Variants in TSPAN2 observed in about 807,000 individuals in gnomAD.
TSPAN2 encodes tetraspanin-2.
TSPAN2 carries 24 observed loss-of-function variants against 33.3 expected under a neutral mutation model. That is an observed-to-expected ratio of 0.72 (90% confidence interval 0.52 to 1.01). The LOEUF is 1.01. Ranked by LOEUF, TSPAN2 falls within the 50% of genes least tolerant of loss-of-function variation. The pLI is 0.00. For synonymous variants in TSPAN2, 114 were observed against 104.5 expected, an observed-to-expected ratio of 1.09 and a Z score of -0.56; for missense variants, 278 against 281.3, an observed-to-expected ratio of 0.99 and a Z score of 0.08.
At chr1:115,068,596 G>A (rs1416350234) in intron 2 of TSPAN2, among the ~76,000 whole-genome samples, 1 of 152,180 alleles carries the variant, frequency 6.6e-6, no homozygotes, top group African/African-American at 2.4e-5. Flanking sequence ...TCAGTGAATG[G>A]TGCCCTGTGA....
intron 2 of TSPAN2, among the ~76,000 whole-genome samples, chr1:115,068,634 G>A (rs919425721): frequency 2.0e-5 from 3 of 152,052 alleles, no homozygotes; most frequent in Non-Finnish European, 4.4e-5. Context: ...CCAAACACTG[G>A]GCCTGTTTGT....
At chr1:115,053,559 GAGTTAATCCATGCC>G (rs1371441003) in intron 6 of TSPAN2, 97 bp from the exon 7 acceptor site, 4 of 1,013,536 alleles carry the variant, frequency 3.9e-6, no homozygotes, top group Non-Finnish European at 6.0e-6. Flanking sequence ...CATTCTGTGA[GAGTTAATCCATGCC>G]AGCTTCTACT....
Position 115,062,159 on chromosome 1 carries a change from C to T in TSPAN2, c.246G>A (p.Arg82=). 1 of 1,598,924 alleles carries T rather than the reference C, an allele frequency of 6.3e-7. No homozygotes were observed. The highest frequency in any genetic ancestry group is 1.7e-5 in the Admixed American group (1 of 57,764). The change falls in exon 3 of 8, where the codon CGG becomes CGA. Residue 82 remains arginine, a synonymous_variant. Transcript: ENST00000369516. The part of the protein sequence containing the change: ...VGFFGCCGAM[R]ESQCVLGSFF... ...CTGATCCAAGCACACATTGCGACTC[C>T]CGCATGGCTCCGCAGCACCCGAAGA...
intron 4 of TSPAN2, among the ~76,000 whole-genome samples, chr1:115,059,309 A>G (rs1647567968): frequency 6.6e-6 from 1 of 152,184 alleles, no homozygotes; most frequent in Non-Finnish European, 1.5e-5. Flanking sequence ...TTCCATAGGT[A>G]TTTTAGGATA....
At chr1:115,084,966 T>TAGG (rs1172700794) in intron 1 of TSPAN2, among the ~76,000 whole-genome samples, 1 of 152,156 alleles carries the variant, frequency 6.6e-6, no homozygotes, top group African/African-American at 2.4e-5. Flanking sequence ...TTCCTGTGGG[T>TAGG]CAGTAACGCT....
intron 1 of TSPAN2, among the ~76,000 whole-genome samples, chr1:115,086,812 G>C (rs1053150387): frequency 1.4e-4 from 22 of 152,274 alleles, no homozygotes; most frequent in Non-Finnish European, 2.8e-4. Flanking sequence ...TCTCAAATTT[G>C]AGCATGGATC....
chr1:115,052,127 G>T (rs1180522950), intron 7 of TSPAN2, among the ~76,000 whole-genome samples: 16 of 152,164 alleles, frequency 1.1e-4, no homozygotes, highest in Admixed American at 1.0e-3. Flanking sequence ...CCTTTGGGGA[G>T]CTGCAGAACT....
At chr1:115,071,090 C>T (rs1648154940) in intron 2 of TSPAN2, among the ~76,000 whole-genome samples, 1 of 152,068 alleles carries the variant, frequency 6.6e-6, no homozygotes, top group Admixed American at 6.5e-5. Flanking sequence ...TTCCTTGTCA[C>T]AAAATCCCAA....
chr1:115,068,497 G>C (rs1027974871), intron 2 of TSPAN2, among the ~76,000 whole-genome samples: 12 of 152,176 alleles, frequency 7.9e-5, no homozygotes, highest in African/African-American at 2.9e-4. Flanking sequence ...AATGTGCCAT[G>C]CCTGTTTAGG....
rs781580100 is a variant in TSPAN2 at position 115,085,533 on chromosome 1, G to A, written c.69+3831C>T. 2.2e-4 allele frequency among the ~76,000 whole-genome samples: 34 copies of A among 152,146 alleles called. 1 individual carries two copies. Among genetic ancestry groups the A allele is most frequent in the Non-Finnish European group, 4.0e-4 (27 of 68,030 alleles). On this transcript the variant is annotated intron_variant, in intron 1 of 7. Coordinates refer to ENST00000369516, the MANE Select transcript of TSPAN2 (RefSeq NM_005725.6). The stretch of plus-strand genomic sequence containing the variant: ...GAAGTGCTGTCACCCAAGGAACCCC[G>A]TAACTCCGAGGGGCAGGCACATGAG...
intron 1 of TSPAN2, among the ~76,000 whole-genome samples, chr1:115,087,988 G>A (rs1422209727): frequency 1.3e-5 from 2 of 152,186 alleles, no homozygotes; most frequent in African/African-American, 4.8e-5. Flanking sequence ...ACTGTGGCGT[G>A]ACATCTATAA....
intron 1 of TSPAN2, among the ~76,000 whole-genome samples, chr1:115,085,513 G>A (rs1648799061): frequency 6.6e-6 from 1 of 152,160 alleles, no homozygotes; most frequent in Non-Finnish European, 1.5e-5. Context: ...GGAAGGAAGT[G>A]CTGTCACCCA....
chr1:115,069,337 G>T (rs1392185510), intron 2 of TSPAN2, among the ~76,000 whole-genome samples: 1 of 152,196 alleles, frequency 6.6e-6, no homozygotes. Context: ...TCCACGGTGG[G>T]CATGAAGCCC....
At chr1:115,064,173 C>A (rs1178721324) in intron 2 of TSPAN2, among the ~76,000 whole-genome samples, 1 of 152,204 alleles carries the variant, frequency 6.6e-6, no homozygotes, top group African/African-American at 2.4e-5. Context: ...TTCTGTTTTA[C>A]AAATGGAGGT....
intron 3 of TSPAN2, 92 bp from the exon 4 acceptor site, chr1:115,060,630 C>A: frequency 1.1e-6 from 1 of 943,242 alleles, no homozygotes; most frequent in South Asian, 1.5e-5. Flanking sequence ...ATGGCTGAAT[C>A]GCTTTCATGT....
chr1:115,076,902 G>T (rs1166935271), intron 1 of TSPAN2, among the ~76,000 whole-genome samples: 1 of 151,588 alleles, frequency 6.6e-6, no homozygotes, highest in Non-Finnish European at 1.5e-5. Context: ...TTGCCAGAAA[G>T]CACCATTTTT....
intron 1 of TSPAN2, among the ~76,000 whole-genome samples, chr1:115,085,355 C>T (rs1014585992): frequency 2.0e-5 from 3 of 152,126 alleles, no homozygotes; most frequent in Non-Finnish European, 4.4e-5. Flanking sequence ...TCTGGCAGGG[C>T]CTGGTTGTAT....
At chr1:115,057,659 A>G (rs1482909579) in intron 5 of TSPAN2, 51 bp from the exon 6 acceptor site, 3 of 1,580,774 alleles carry the variant, frequency 1.9e-6, no homozygotes, top group Non-Finnish European at 2.6e-6. Context: ...AGTAGCAGCT[A>G]CAAGTCTGGG....
chr1:115,076,097 G>A (rs1648399534), intron 1 of TSPAN2, among the ~76,000 whole-genome samples: 1 of 152,096 alleles, frequency 6.6e-6, no homozygotes, highest in Non-Finnish European at 1.5e-5. Flanking sequence ...CACTGCCAAG[G>A]GATTGGAGCA....
Sources: gnomAD v4.1 joint callset for allele counts (sites outside exome capture counted in the v4.1 genomes callset) on GRCh38, gnomAD v4.1.1 for gene constraint, MANE v1.5 for transcripts, NCBI Gene and HGNC (gene_info 2026-07-23, HGNC 2026-07-21) for gene names.